The following ZSCAN21 variants were observed in gnomAD, a reference collection of about 807,000 sequenced individuals.
ZSCAN21 encodes the protein zinc finger and SCAN domain containing 21, also known as zinc finger and SCAN domain-containing protein 21.
Under a neutral mutation model 35.6 loss-of-function variants are expected in ZSCAN21, and 26 were observed. That is an observed-to-expected ratio of 0.73 (90% CI 0.54 to 1.01). ZSCAN21 has a LOEUF of 1.01. Ranked by LOEUF, ZSCAN21 falls within the 50% of genes least tolerant of loss-of-function variation. The pLI, the probability that ZSCAN21 is intolerant of heterozygous loss-of-function variation, is 0.00. For synonymous variants in ZSCAN21, 219 were observed against 219.3 expected, an observed-to-expected ratio of 1.00 and a Z score of 0.01; for missense variants, 593 against 587.1, an observed-to-expected ratio of 1.01 and a Z score of -0.10.
In ZSCAN21 at chr7:100,057,416, G is replaced by T; in HGVS notation, c.399+11G>T. On this transcript the variant is annotated intron_variant, in intron 2 of 3. Coordinates refer to ENST00000292450, the MANE Select transcript of ZSCAN21 (RefSeq NM_145914.3). ...GAGCCAGGACACCAGGTAGGCAGGAGAGACCTTTGTTATTCTAGGAGATTG... is the reference window on the plus strand; with the variant it reads ...GAGCCAGGACACCAGGTAGGCAGGATAGACCTTTGTTATTCTAGGAGATTG... 1 of 1,526,998 alleles carries T rather than the reference G, an allele frequency of 6.5e-7. No individual in the cohort carries two copies. The highest frequency in any genetic ancestry group is 8.8e-7 in the Non-Finnish European group (1 of 1,141,268). 94.6% of individuals were successfully genotyped at this position (1,526,998 alleles called of 1,614,324 possible).
chr7:100,056,162 A>G (rs1188035526), intron 1 of ZSCAN21, among the ~76,000 whole-genome samples: 1 of 150,304 alleles, frequency 6.7e-6, no homozygotes, highest in Non-Finnish European at 1.5e-5. Flanking sequence ...GATGGTCTCG[A>G]TCTCCTGACC....
At chr7:100,052,779 GCC>G (rs59986769) in intron 1 of ZSCAN21, among the ~76,000 whole-genome samples, 37,287 of 151,764 alleles carry the variant, frequency 0.25, 4,966 homozygotes, top group East Asian at 0.4. Flanking sequence ...AGGGCACCCG[GCC>G]CTCTACTCGT....
intron 3 of ZSCAN21, among the ~76,000 whole-genome samples, chr7:100,060,045 A>C (rs1272877208): frequency 6.6e-6 from 1 of 152,256 alleles, no homozygotes; most frequent in African/African-American, 2.4e-5. Flanking sequence ...GGCACCTTTG[A>C]CAGAAACAAA....
At chr7:100,063,406 T>C (rs761598586) in intron 3 of ZSCAN21, among the ~76,000 whole-genome samples, 3 of 152,112 alleles carry the variant, frequency 2.0e-5, no homozygotes, top group Non-Finnish European at 4.4e-5. Flanking sequence ...AAGACCATCC[T>C]GGCCAGCATG....
intron 1 of ZSCAN21, among the ~76,000 whole-genome samples, chr7:100,053,549 T>G (rs56288929): frequency 8.1e-4 from 25 of 31,018 alleles, no homozygotes; most frequent in African/African-American, 1.1e-3. Context: ...ATACATAATT[T>G]TTTTTTTTTT....
Position 100,064,963 on chromosome 7 carries a change from G to T in ZSCAN21, c.*346G>T, listed in dbSNP as rs939376638. 1.9e-6 allele frequency: 3 copies of T among 1,602,610 alleles called. No homozygotes were observed. Among genetic ancestry groups the T allele is most frequent in the Non-Finnish European group, 2.6e-6 (3 of 1,172,818 alleles). On this transcript the variant is annotated 3_prime_UTR_variant, in exon 4 of 4. Transcript: ENST00000292450. ...TGTTTAATTTTTAACATATATTCAAGAATTTTAATTTGTAAAGAATTGAGC... is the reference window on the plus strand; with the variant it reads ...TGTTTAATTTTTAACATATATTCAATAATTTTAATTTGTAAAGAATTGAGC...
intron 2 of ZSCAN21, 42 bp downstream of exon 2, chr7:100,057,447 G>A (rs375381118): frequency 4.4e-5 from 67 of 1,506,780 alleles, no homozygotes; most frequent in Admixed American, 1.4e-4. Context: ...GATTGGGAGC[G>A]TAACATTCTA....
chr7:100,064,425 C>T lies in ZSCAN21; in HGVS notation c.1230C>T (p.His410=). ...HAGLSSHQRL[H]TGEKPYKCKE... ...GCCTCAGCTCCCACCAGAGACTCCA[C>T]ACCGGAGAGAAGCCATATAAGTGTA... The change falls in exon 4 of 4, where the codon CAC becomes CAT. Residue 410 remains histidine (H), a synonymous_variant. Coordinates refer to ENST00000292450, the MANE Select transcript of ZSCAN21 (RefSeq NM_145914.3). 3.7e-6 allele frequency: 6 copies of T among 1,614,144 alleles called. No individual in the cohort carries two copies. The highest frequency in any genetic ancestry group is 5.1e-6 in the Non-Finnish European group (6 of 1,180,044).
chr7:100,056,779 T>C, intron 1 of ZSCAN21, 132 bp from the exon 2 acceptor site: 1 of 445,036 alleles, frequency 2.2e-6, no homozygotes, highest in South Asian at 3.4e-5. Flanking sequence ...CAGAAAGATT[T>C]TGAGCAGTTG....
At position 100,064,461 on chromosome 7, in the gene ZSCAN21, G is replaced by A. The variant is rs1792527164; in HGVS notation, c.1266G>A (p.Gly422=). ...GEKPYKCKEC[G]KAFNHSSNFN... The stretch of plus-strand genomic sequence containing the variant: ...AGCCATATAAGTGTAAGGAGTGTGG[G>A]AAAGCCTTCAACCACAGCTCCAACT... Residue 422 remains glycine, a synonymous_variant, in exon 4 of 4, where the codon GGG becomes GGA. Coordinates refer to ENST00000292450, the MANE Select transcript of ZSCAN21 (RefSeq NM_145914.3). 1 of 1,613,852 alleles carries A rather than the reference G, an allele frequency of 6.2e-7. No homozygotes were observed. Among genetic ancestry groups the A allele is most frequent in the Non-Finnish European group, 8.5e-7 (1 of 1,179,978 alleles).
At chr7:100,061,561 CAT>C (rs1374525124) in intron 3 of ZSCAN21, among the ~76,000 whole-genome samples, 5 of 152,196 alleles carry the variant, frequency 3.3e-5, no homozygotes, top group African/African-American at 1.2e-4. Context: ...CTGTCCCACA[CAT>C]GTAGTCCATG....
At position 100,064,259 on chromosome 7, in the gene ZSCAN21, C is replaced by T. The variant is rs775813808; in HGVS notation, c.1064C>T (p.Thr355Ile). ...CTTCTTAAACATCAGAGAATGCACA[C>T]AGAAGAGGCGCCATATCAGTGCAAA... Reference protein sequence around the residue: ...SDLLKHQRMHTEEAPYQCKDC... With the variant: ...SDLLKHQRMHIEEAPYQCKDC... Residue 355 changes from threonine (T) to isoleucine (I), a missense_variant, in exon 4 of 4, where the codon ACA (threonine) becomes ATA (isoleucine). Thr to Ile is a moderately conservative substitution (Grantham distance 89). Transcript: ENST00000292450. 1.2e-6 allele frequency: 2 copies of T among 1,614,144 alleles called. No homozygotes were observed. The highest frequency in any genetic ancestry group is 1.7e-5 in the Admixed American group (1 of 59,996).
Position 100,051,178 on chromosome 7 carries a change from C to CAA in ZSCAN21, c.-97+1361_-97+1362dup, listed in dbSNP as rs369246193. Among the ~76,000 whole-genome samples, 92 of 41,358 alleles carry CAA rather than the reference C, an allele frequency of 2.2e-3. 11 individuals are homozygous for CAA. The highest frequency in any genetic ancestry group is 2.4e-3 in the African/African-American group (21 of 8,846). 27.1% of individuals were successfully genotyped at this position (41,358 alleles called of 152,430 possible). ...GGGAAACAAGAGTGAAACTACGTCT[C>CAA]AAAAAAAAAAAAAAAAAAAAAAAAA... On this transcript the variant is annotated intron_variant, in intron 1 of 3. Coordinates refer to ENST00000292450, the MANE Select transcript of ZSCAN21 (RefSeq NM_145914.3).
At position 100,063,806 on chromosome 7, in the gene ZSCAN21, A is replaced by G. The variant is rs1213745381; in HGVS notation, c.611A>G (p.Gln204Arg). The change falls in exon 4 of 4, where the codon CAG becomes CGG. Residue 204 changes from glutamine to arginine, a missense_variant. By Grantham distance (43) the Gln-to-Arg change is conservative. Coordinates refer to ENST00000292450, the MANE Select transcript of ZSCAN21 (RefSeq NM_145914.3). The part of the protein sequence containing the change: ...RKVRDCRLST[Q>R]HEESADEQKG... ...GTTTCAGATTGCAGATTGAGTACCC[A>G]GCACGAGGAATCAGCAGATGAGCAG... 1 of 1,610,522 alleles carries G rather than the reference A, an allele frequency of 6.2e-7. No individual in the cohort carries two copies. The highest frequency in any genetic ancestry group is 8.5e-7 in the Non-Finnish European group (1 of 1,178,710).
intron 1 of ZSCAN21, among the ~76,000 whole-genome samples, chr7:100,053,557 T>TG (rs1791970662): frequency 2.0e-5 from 2 of 98,256 alleles, no homozygotes; most frequent in Non-Finnish European, 4.4e-5. Context: ...TTTTTTTTTT[T>TG]TTTTTTTTTT....
At chr7:100,061,657 G>T (rs1016798443) in intron 3 of ZSCAN21, among the ~76,000 whole-genome samples, 6 of 152,226 alleles carry the variant, frequency 3.9e-5, no homozygotes, top group Non-Finnish European at 7.3e-5. Context: ...AGCTGCTGAA[G>T]CTCTGACCCC....
intron 1 of ZSCAN21, among the ~76,000 whole-genome samples, chr7:100,053,546 A>ATACATAGTTTTTTTTTTTTTTTTTTT (rs755978112): frequency 1.3e-5 from 1 of 79,488 alleles, no homozygotes. Flanking sequence ...TACATACATA[A>ATACATAGTTTTTTTTTTTTTTTTTTT]TTTTTTTTTT....
At chr7:100,063,189 C>T (rs955479289) in intron 3 of ZSCAN21, among the ~76,000 whole-genome samples, 4 of 152,340 alleles carry the variant, frequency 2.6e-5, no homozygotes, top group Non-Finnish European at 5.9e-5. Flanking sequence ...CCGCTGTGCC[C>T]GGCTACCACT....
In ZSCAN21 at chr7:100,064,499, A is replaced by G. The variant is rs770030429; in HGVS notation, c.1304A>G (p.His435Arg). The G allele has an allele frequency of 1.2e-6, 2 of 1,613,946 alleles. No individual in the cohort carries two copies. The highest frequency in any genetic ancestry group is 2.7e-5 in the African/African-American group (2 of 74,874). Residue 435 changes from histidine to arginine, a missense_variant, in exon 4 of 4, where the codon CAC (histidine) becomes CGC (arginine). Coordinates refer to ENST00000292450, the MANE Select transcript of ZSCAN21 (RefSeq NM_145914.3). ...FNHSSNFNKH[H>R]RIHTGEKPYW... is the part of the protein sequence containing the mutation. ...CACAGCTCCAACTTCAATAAACACC[A>G]CAGAATCCACACCGGGGAAAAGCCC...
Sources: allele counts gnomAD v4.1 joint callset (sites outside exome capture counted in the v4.1 genomes callset), GRCh38; gene constraint gnomAD v4.1.1; transcripts MANE v1.5; gene names NCBI Gene and HGNC (gene_info 2026-07-23, HGNC 2026-07-21).